Variants in CCSER1 observed in about 807,000 individuals in gnomAD.
The protein encoded by CCSER1 is coiled-coil serine rich protein 1.
Under a neutral mutation model 82.0 loss-of-function variants are expected in CCSER1, and 41 were observed. The ratio of observed to expected loss-of-function variants is 0.50; its 90% CI spans 0.39 to 0.65. The LOEUF is 0.65. CCSER1 is among the 30% of genes least tolerant of loss of function. CCSER1 has a pLI of 0.00. For synonymous variants in CCSER1, 414 were observed against 383.9 expected (o/e 1.08, Z -0.92); for missense variants, 1,119 against 1,064.2 (o/e 1.05, Z -0.72).
At chr4:91,144,484 T>A (rs1366676521) in intron 10 of CCSER1, among the ~76,000 whole-genome samples, 1 of 152,042 alleles carries the variant, frequency 6.6e-6, no homozygotes, top group East Asian at 1.9e-4. Flanking sequence ...ATTTTAGTTA[T>A]TTATTTTCTT....
intron 9 of CCSER1, among the ~76,000 whole-genome samples, chr4:90,971,230 G>A (rs879362416): frequency 1.3e-5 from 2 of 151,866 alleles, no homozygotes; most frequent in Non-Finnish European, 2.9e-5. Flanking sequence ...GCATGGCTAG[G>A]GAGGCCTCAG....
At position 91,498,065 on chromosome 4, in the gene CCSER1, C is replaced by T. The variant is rs761324376; in HGVS notation, c.2218-100507C>T. The stretch of plus-strand genomic sequence containing the variant: ...AAGAAGCACAGCTTCGCTGTGCATC[C>T]GGCCCTTGATATTGAGAAATACAGC... On this transcript the variant is annotated intron_variant, in intron 10 of 10. Transcript: ENST00000509176. 5.3e-5 allele frequency among the ~76,000 whole-genome samples: 8 copies of T among 152,052 alleles called. No homozygotes were observed. In the East Asian group the frequency reaches 5.8e-4, roughly 11 times the overall value.
intron 7 of CCSER1, among the ~76,000 whole-genome samples, chr4:90,735,914 C>A (rs1274076229): frequency 6.6e-6 from 1 of 152,044 alleles, no homozygotes; most frequent in African/African-American, 2.4e-5. Context: ...TTTTCATGTT[C>A]ATTGGTTTCA....
At chr4:91,261,950 G>A (rs1741219679) in intron 10 of CCSER1, among the ~76,000 whole-genome samples, 2 of 151,964 alleles carry the variant, frequency 1.3e-5, no homozygotes, top group African/African-American at 2.4e-5. Context: ...ACTGTGCATG[G>A]TAGATTTGAG....
chr4:91,032,076 T>A (rs1741030953), intron 9 of CCSER1, among the ~76,000 whole-genome samples: 1 of 152,114 alleles, frequency 6.6e-6, no homozygotes, highest in South Asian at 2.1e-4. Context: ...GAACAGTATT[T>A]GTTAAAGAAC....
chr4:91,526,121 C>T (rs944965020), intron 10 of CCSER1, among the ~76,000 whole-genome samples: 17 of 152,234 alleles, frequency 1.1e-4, no homozygotes, highest in African/African-American at 4.1e-4. Context: ...AACTAAGAGA[C>T]AGGCACCCTT....
chr4:91,541,382 C>G (rs1761588729), intron 10 of CCSER1, among the ~76,000 whole-genome samples: 1 of 152,170 alleles, frequency 6.6e-6, no homozygotes, highest in African/African-American at 2.4e-5. Context: ...TCTCCCCTCC[C>G]TGCACACCAT....
At chr4:90,836,930 G>A (rs960838958) in intron 8 of CCSER1, among the ~76,000 whole-genome samples, 6 of 152,298 alleles carry the variant, frequency 3.9e-5, no homozygotes, top group Admixed American at 3.9e-4. Context: ...AAATGTACCA[G>A]TGTGGCATTT....
intron 10 of CCSER1, among the ~76,000 whole-genome samples, chr4:91,221,385 A>G (rs1737729928): frequency 6.6e-6 from 1 of 152,164 alleles, no homozygotes; most frequent in Non-Finnish European, 1.5e-5. Flanking sequence ...TTGGCTGTGC[A>G]TAGTTAGTAA....
At chr4:91,247,177 C>T (rs1472969137) in intron 10 of CCSER1, among the ~76,000 whole-genome samples, 2 of 151,756 alleles carry the variant, frequency 1.3e-5, no homozygotes, top group African/African-American at 4.8e-5. Context: ...TGGTGGGCGC[C>T]TGTAGTCCCA....
intron 10 of CCSER1, among the ~76,000 whole-genome samples, chr4:91,354,932 A>C (rs868725570): frequency 1.3e-5 from 2 of 152,174 alleles, no homozygotes; most frequent in Non-Finnish European, 2.9e-5. Context: ...AGCGTATTTG[A>C]ACCTCCCATT....
chr4:91,077,113 G>T (rs916648605), intron 9 of CCSER1, among the ~76,000 whole-genome samples: 1 of 152,114 alleles, frequency 6.6e-6, no homozygotes, highest in African/African-American at 2.4e-5. Context: ...AATTCCCAGG[G>T]GTCTCACAGG....
intron 1 of CCSER1, among the ~76,000 whole-genome samples, chr4:90,185,838 T>C (rs1734518827): frequency 6.6e-6 from 1 of 152,076 alleles, no homozygotes; most frequent in African/African-American, 2.4e-5. Flanking sequence ...GGCATTATTA[T>C]CAATGGAAGA....
At chr4:90,140,656 A>ATT (rs1724574653) in intron 1 of CCSER1, among the ~76,000 whole-genome samples, 1 of 86,328 alleles carries the variant, frequency 1.2e-5, no homozygotes, top group African/African-American at 4.3e-5. Context: ...TTTTTGGTCT[A>ATT]CTTTTTTTTT....
At chr4:90,489,823 C>T (rs935117937) in intron 5 of CCSER1, among the ~76,000 whole-genome samples, 1 of 152,122 alleles carries the variant, frequency 6.6e-6, no homozygotes, top group African/African-American at 2.4e-5. Context: ...TTTCCAGCTT[C>T]ATTCATGTCC....
chr4:90,464,727 A>C (rs887777947), intron 4 of CCSER1, among the ~76,000 whole-genome samples: 3 of 152,258 alleles, frequency 2.0e-5, no homozygotes, highest in Non-Finnish European at 2.9e-5. Context: ...TGATTTTTCA[A>C]CCCATGGATG....
chr4:91,035,153 T>C (rs1200638230), intron 9 of CCSER1, among the ~76,000 whole-genome samples: 3 of 152,158 alleles, frequency 2.0e-5, no homozygotes, highest in Admixed American at 2.0e-4. Context: ...GAATTTCAAT[T>C]AATATACTTC....
rs1165614818 is a variant in CCSER1 at position 91,013,688 on chromosome 4, C to T, written c.2173-72262C>T. Among the ~76,000 whole-genome samples the T allele has an allele frequency of 4.2e-4, 53 of 126,820 alleles. 4 individuals are homozygous for T. Among genetic ancestry groups the T allele is most frequent in the African/African-American group, 1.2e-3 (48 of 39,070 alleles). The allele number at this position is 126,820 out of a possible 152,430, so 83.2% of individuals were successfully genotyped here. On this transcript the variant is annotated intron_variant, in intron 9 of 10. Transcript: ENST00000509176. ...CGCGATCTCGGCTCACTGCAAGCTC[C>T]GCCTCCCGGGTTCACGCCATTCTCC...
At chr4:90,300,809 A>G (rs1198418932) in intron 1 of CCSER1, among the ~76,000 whole-genome samples, 2 of 152,064 alleles carry the variant, frequency 1.3e-5, no homozygotes, top group Non-Finnish European at 2.9e-5. Context: ...TAATGTATGC[A>G]TTTGGAATCA....
Sources: gnomAD v4.1 joint callset for allele counts (sites outside exome capture counted in the v4.1 genomes callset) on GRCh38, gnomAD v4.1.1 for gene constraint, MANE v1.5 for transcripts, NCBI Gene and HGNC (gene_info 2026-07-23, HGNC 2026-07-21) for gene names.